The following XYLT1 variants were observed in gnomAD, a reference collection of about 807,000 sequenced individuals.
XYLT1 encodes the protein beta-D-xylosyltransferase 1.
A neutral mutation model predicts 91.3 loss-of-function variants in XYLT1; 36 were observed. That is an observed-to-expected ratio of 0.39 (90% confidence interval 0.30 to 0.52). The LOEUF (loss-of-function observed/expected upper bound fraction) is 0.52. XYLT1 is among the 20% of genes least tolerant of loss of function. XYLT1 has a pLI of 0.68. For synonymous variants in XYLT1, 588 were observed against 532.0 expected (o/e 1.11, Z -1.45); for missense variants, 1,242 against 1,284.5 (o/e 0.97, Z 0.51).
At chr16:17,124,874 T>C (rs966215014) in intron 10 of XYLT1, among the ~76,000 whole-genome samples, 3 of 152,250 alleles carry the variant, frequency 2.0e-5, no homozygotes, top group African/African-American at 7.2e-5. Flanking sequence ...TTTTACTCGT[T>C]TGATTCGATT....
chr16:17,363,245 A>G (rs982069033), intron 1 of XYLT1, among the ~76,000 whole-genome samples: 2 of 152,222 alleles, frequency 1.3e-5, no homozygotes, highest in African/African-American at 4.8e-5. Context: ...ACAAAGATGA[A>G]TTATTCAGTG....
intron 2 of XYLT1, among the ~76,000 whole-genome samples, chr16:17,339,085 G>A (rs2035030174): frequency 6.6e-6 from 1 of 152,170 alleles, no homozygotes. Context: ...GTGGAATCCT[G>A]TGCACCACTT....
At chr16:17,239,970 G>A (rs1294548612) in intron 3 of XYLT1, among the ~76,000 whole-genome samples, 4 of 152,110 alleles carry the variant, frequency 2.6e-5, no homozygotes, top group Admixed American at 1.3e-4. Context: ...TTAGTACCAG[G>A]TGGTGTAAGT....
intron 1 of XYLT1, among the ~76,000 whole-genome samples, chr16:17,373,903 A>C (rs1362838943): frequency 6.6e-6 from 1 of 152,358 alleles, no homozygotes; most frequent in East Asian, 1.9e-4. Flanking sequence ...GGTATCTTTA[A>C]CAAGATAGCT....
At chr16:17,116,781 A>G (rs2141483154) in intron 11 of XYLT1, among the ~76,000 whole-genome samples, 1 of 152,210 alleles carries the variant, frequency 6.6e-6, no homozygotes, top group African/African-American at 2.4e-5. Context: ...ATGAATGCCT[A>G]TTGCTCTCAG....
In XYLT1 at chr16:17,400,989, C is replaced by T. The variant is rs1176429304; in HGVS notation, c.364-42939G>A. On this transcript the variant is annotated intron_variant, in intron 1 of 11. Transcript: ENST00000261381. ...TCTGTCTCACTCTCTCTTTCATACA[C>T]ACACACACACACACACACACACACA... 9.1e-5 allele frequency among the ~76,000 whole-genome samples: 9 copies of T among 99,014 alleles called. No homozygotes were observed. In the South Asian group the frequency reaches 2.7e-3, roughly 30 times the overall value. 65.0% of individuals were successfully genotyped at this position (99,014 alleles called of 152,430 possible).
chr16:17,470,308 C>G (rs1227078087), intron 1 of XYLT1, 126 bp downstream of exon 1: 2 of 1,127,328 alleles, frequency 1.8e-6, no homozygotes, highest in Non-Finnish European at 1.1e-6. Flanking sequence ...GGGCAAGAGG[C>G]GATGTGGAGT....
intron 1 of XYLT1, among the ~76,000 whole-genome samples, chr16:17,469,693 G>T (rs547756735): frequency 6.6e-6 from 1 of 152,206 alleles, no homozygotes; most frequent in Non-Finnish European, 1.5e-5. Flanking sequence ...ACACACAGCT[G>T]GTGACCTGAA....
intron 2 of XYLT1, among the ~76,000 whole-genome samples, chr16:17,321,215 A>G (rs973060726): frequency 6.6e-6 from 1 of 151,966 alleles, no homozygotes; most frequent in Non-Finnish European, 1.5e-5. Context: ...CTGAAATTGA[A>G]AACCACTATA....
At chr16:17,241,715 T>C (rs2033348510) in intron 3 of XYLT1, among the ~76,000 whole-genome samples, 1 of 152,200 alleles carries the variant, frequency 6.6e-6, no homozygotes, top group Admixed American at 6.5e-5. Flanking sequence ...TCCCAGGTTA[T>C]GAAACGGTTG....
chr16:17,252,122 T>C lies in XYLT1; in HGVS notation c.913+6866A>G, dbSNP rs1478383156. Among the ~76,000 whole-genome samples, 3 of 145,556 alleles carry C rather than the reference T, an allele frequency of 2.1e-5. No homozygotes were observed. In the South Asian group the frequency reaches 6.4e-4, roughly 31 times the overall value. On this transcript the variant is annotated intron_variant, in intron 3 of 11. Transcript: ENST00000261381. ...ACGATTAGGTTGGTGCAAAAGTAATTGCAGAAAAAAAAAAGTCATTGTGGT... is the reference window on the plus strand; with the variant it reads ...ACGATTAGGTTGGTGCAAAAGTAATCGCAGAAAAAAAAAAGTCATTGTGGT...
chr16:17,142,919 A>T (rs1046498987), intron 6 of XYLT1, among the ~76,000 whole-genome samples: 1 of 152,128 alleles, frequency 6.6e-6, no homozygotes, highest in Non-Finnish European at 1.5e-5. Context: ...GAATTCCATT[A>T]AAAAAGATAT....
chr16:17,228,952 C>A (rs143938341), intron 3 of XYLT1, among the ~76,000 whole-genome samples: 7 of 152,104 alleles, frequency 4.6e-5, no homozygotes, highest in African/African-American at 1.7e-4. Flanking sequence ...GGATTCAAAT[C>A]CAGATCTGTT....
chr16:17,215,833 A>C (rs1260359915), intron 3 of XYLT1, among the ~76,000 whole-genome samples: 1 of 152,142 alleles, frequency 6.6e-6, no homozygotes, highest in East Asian at 1.9e-4. Context: ...GAGGAAGTGC[A>C]GAAGATGAGG....
chr16:17,334,424 C>CT (rs912677030), intron 2 of XYLT1, among the ~76,000 whole-genome samples: 9 of 152,112 alleles, frequency 5.9e-5, no homozygotes. Flanking sequence ...TAAGAGCCAC[C>CT]TGCCATGACC....
At chr16:17,385,263 CACACAT>C (rs762932117) in intron 1 of XYLT1, among the ~76,000 whole-genome samples, 1,247 of 100,912 alleles carry the variant, frequency 0.012, 15 homozygotes, top group Middle Eastern at 0.032. Flanking sequence ...CACACATAAA[CACACAT>C]ACACACACAC....
At chr16:17,138,629 G>C in intron 7 of XYLT1, 98 bp from the exon 8 acceptor site, 1 of 1,418,782 alleles carries the variant, frequency 7.0e-7, no homozygotes, top group Non-Finnish European at 9.7e-7. Flanking sequence ...GTTCATGTAA[G>C]AACTGGTTGT....
chr16:17,438,471 A>C (rs1232832259), intron 1 of XYLT1, among the ~76,000 whole-genome samples: 1 of 152,138 alleles, frequency 6.6e-6, no homozygotes, highest in Non-Finnish European at 1.5e-5. Flanking sequence ...TACGCTACGT[A>C]AGAGTGGAGG....
chr16:17,413,931 C>A (rs1320411954), intron 1 of XYLT1, among the ~76,000 whole-genome samples: 1 of 152,176 alleles, frequency 6.6e-6, no homozygotes, highest in Non-Finnish European at 1.5e-5. Flanking sequence ...CCTAAACCAA[C>A]CTGGGGCCAG....
Sources: allele counts gnomAD v4.1 joint callset (sites outside exome capture counted in the v4.1 genomes callset), GRCh38; gene constraint gnomAD v4.1.1; transcripts MANE v1.5; gene names NCBI Gene and HGNC (gene_info 2026-07-23, HGNC 2026-07-21).